The following ANKMY1 variants were observed in gnomAD, a reference collection of about 807,000 sequenced individuals.
The protein encoded by ANKMY1 is ankyrin repeat and MYND domain-containing protein 1.
Under a neutral mutation model 102.0 loss-of-function variants are expected in ANKMY1, and 98 were observed. The ratio of observed to expected loss-of-function variants is 0.96; its 90% CI spans 0.82 to 1.14. The LOEUF is 1.14. ANKMY1 is among the 50% of genes most tolerant of loss of function. The pLI, the probability that ANKMY1 is intolerant of heterozygous loss-of-function variation, is 0.00. For missense variants in ANKMY1, 1,330 were observed against 1,347.6 expected (o/e 0.99, Z 0.20); for synonymous variants, 582 against 559.9 (o/e 1.04, Z -0.56).
In ANKMY1 at chr2:240,479,653, T is replaced by C. The variant is rs2075110545; in HGVS notation, c.3049A>G (p.Thr1017Ala). The change falls in exon 18 of 18, where the codon ACA becomes GCA. Residue 1017 changes from threonine to alanine, a missense_variant and splice_region_variant. Physicochemically the swap from Thr to Ala is moderately conservative, Grantham distance 58. Transcript: ENST00000401804. ...KDCGDLVAIV[T>A]QLEQVSRRRE... ...CTCCTGGAAACTTGCTCCAGTTGTG[T>C]CACTGGAGGAGGAAAAGGTGTGGGG... 6.2e-7 allele frequency: 1 copy of C among 1,613,386 alleles called. No homozygotes were observed. The highest frequency in any genetic ancestry group is 2.2e-5 in the East Asian group (1 of 44,864).
chr2:240,469,858 A>G, the ANKMY1 span, among the ~76,000 whole-genome samples: 122 of 152,218 alleles, frequency 8.0e-4, 2 homozygotes, highest in African/African-American at 2.8e-3. Flanking sequence ...TGCCCTGTGC[A>G]TACACACACA....
In ANKMY1 at chr2:240,524,689, G is replaced by A. The variant is rs143541947; in HGVS notation, c.1336-308C>T. 1.2e-4 allele frequency among the ~76,000 whole-genome samples: 18 copies of A among 152,362 alleles called. 1 individual carries two copies. In the East Asian group the frequency reaches 2.9e-3, roughly 24 times the overall value. ...AGAAGTGAAGGAGAGGTTGGAAAAC[G>A]AAGGCAAATGCCTTAATGATGCTGC... is the stretch of plus-strand genomic sequence containing the variant. On this transcript the variant is annotated intron_variant, in intron 7 of 17. Transcript: ENST00000401804.
At chr2:240,528,872 C>G (rs2084540241) in intron 5 of ANKMY1, among the ~76,000 whole-genome samples, 165 bp downstream of exon 5, 1 of 152,186 alleles carries the variant, frequency 6.6e-6, no homozygotes, top group African/African-American at 2.4e-5. Flanking sequence ...CAGGGGCTTT[C>G]CCTCCCTTCA....
At chr2:240,526,072 T>G in intron 6 of ANKMY1, 157 bp downstream of exon 6, 1 of 1,012,630 alleles carries the variant, frequency 9.9e-7, no homozygotes, top group Non-Finnish European at 1.5e-6. Flanking sequence ...CTCAGCTGAG[T>G]GGGTTTCTGC....
chr2:240,493,783 C>G (rs1055781150), intron 15 of ANKMY1, among the ~76,000 whole-genome samples: 1 of 152,052 alleles, frequency 6.6e-6, no homozygotes, highest in Non-Finnish European at 1.5e-5. Flanking sequence ...TACACTGGCA[C>G]TTGTGTTGGC....
At chr2:240,514,100 A>ACAG (rs2152251013) in intron 9 of ANKMY1, among the ~76,000 whole-genome samples, 1 of 152,300 alleles carries the variant, frequency 6.6e-6, no homozygotes, top group Admixed American at 6.5e-5. Context: ...CACCCCTAAA[A>ACAG]CAGCAGCAGC....
chr2:240,480,926 G>C lies in ANKMY1; in HGVS notation c.3046+11C>G. 6.2e-7 allele frequency: 1 copy of C among 1,601,920 alleles called. No homozygotes were observed. The highest frequency in any genetic ancestry group is 8.5e-7 in the Non-Finnish European group (1 of 1,170,402). On this transcript the variant is annotated intron_variant, in intron 17 of 17. Transcript: ENST00000401804. ...CGGAACCCTTGCCTCCCAGCCTGAG[G>C]GCCGACCTACCGATGGCCACCAGGT... is the stretch of plus-strand genomic sequence containing the variant.
chr2:240,548,625 A>G (rs1297429684), intron 4 of ANKMY1, among the ~76,000 whole-genome samples: 5 of 151,930 alleles, frequency 3.3e-5, no homozygotes, highest in African/African-American at 4.8e-5. Context: ...CCATTGTCTC[A>G]GCCCAAAATC....
intron 4 of ANKMY1, among the ~76,000 whole-genome samples, chr2:240,547,104 C>G (rs543842419): frequency 6.6e-6 from 1 of 152,046 alleles, no homozygotes; most frequent in Admixed American, 6.6e-5. Context: ...TGACCACATA[C>G]TTGGAAGTAA....
upstream of ANKMY1, chr2:240,558,761 G>A (rs1378608520): frequency 1.3e-5 from 2 of 152,218 alleles, no homozygotes; most frequent in Non-Finnish European, 2.9e-5. Flanking sequence ...TAAGGACTAA[G>A]GCTGGGCCAG....
chr2:240,497,606 CT>C (rs767122483), intron 15 of ANKMY1, among the ~76,000 whole-genome samples: 6 of 152,198 alleles, frequency 3.9e-5, no homozygotes, highest in Non-Finnish European at 8.8e-5. Flanking sequence ...AAGGCTTCTC[CT>C]GTCTCTCTTT....
chr2:240,492,784 G>A (rs889483656), intron 15 of ANKMY1, among the ~76,000 whole-genome samples: 26 of 152,008 alleles, frequency 1.7e-4, no homozygotes, highest in African/African-American at 5.1e-4. Context: ...TCCGCCTCCC[G>A]GGTTCAAGCA....
At chr2:240,482,319 C>T (rs1404666694) in intron 15 of ANKMY1, 58 bp from the exon 16 acceptor site, 1 of 1,492,384 alleles carries the variant, frequency 6.7e-7, no homozygotes, top group Non-Finnish European at 9.2e-7. Flanking sequence ...GCCACCACTG[C>T]AGAAGCCACC....
rs2092449731 is a variant in ANKMY1, at chr2:240,557,248, C to A, written c.88G>T (p.Glu30Ter). The part of the protein sequence containing the change: ...RQRPLEGKGG[E>*]TPAAEEPGSL... ...CCCGGCTCCTCGGCAGCAGGGGTCTCGCCGCCCTTCCCCTCTAGCGGGCGT... is the reference window on the plus strand; with the variant it reads ...CCCGGCTCCTCGGCAGCAGGGGTCTAGCCGCCCTTCCCCTCTAGCGGGCGT... The change falls in exon 2 of 18, where the codon GAG becomes TAG. Residue 30 changes from glutamate (E) to a stop codon, truncating the protein, a stop_gained. Coordinates refer to ENST00000401804, the MANE Select transcript of ANKMY1 (RefSeq NM_001282771.3). LOFTEE classifies it high-confidence loss of function. 3.8e-6 allele frequency: 6 copies of A among 1,594,312 alleles called. No homozygotes were observed. In the African/African-American group the frequency reaches 4.0e-5, roughly 11 times the overall value.
chr2:240,543,343 A>C, intron 4 of ANKMY1, among the ~76,000 whole-genome samples: 1 of 150,076 alleles, frequency 6.7e-6, no homozygotes, highest in African/African-American at 2.4e-5. Context: ...ATAGAGCGAG[A>C]CTCTTTCTCA....
At chr2:240,494,583 G>A (rs541140997) in intron 15 of ANKMY1, among the ~76,000 whole-genome samples, 5 of 152,264 alleles carry the variant, frequency 3.3e-5, no homozygotes, top group Admixed American at 2.0e-4. Context: ...GGGCCACTGG[G>A]TCCCAGGACA....
chr2:240,551,441 A>C (rs2091510427), intron 4 of ANKMY1, among the ~76,000 whole-genome samples: 1 of 152,182 alleles, frequency 6.6e-6, no homozygotes, highest in African/African-American at 2.4e-5. Context: ...TTATTTTCCC[A>C]AGGCTTTAAC....
At chr2:240,527,538 A>T (rs1051159241) in intron 5 of ANKMY1, 5 of 28,974 alleles carry the variant, frequency 1.7e-4, no homozygotes, top group African/African-American at 6.5e-4. Flanking sequence ...CTGATGGATG[A>T]ATGGATGGAA....
At chr2:240,560,535 C>T (rs2092882110), upstream of ANKMY1, 6 of 1,178,492 alleles carry the variant, frequency 5.1e-6, no homozygotes, top group Middle Eastern at 3.1e-4. Flanking sequence ...CCGCGGGGGA[C>T]CCAAGCCCCA....
Sources: allele counts gnomAD v4.1 joint callset (sites outside exome capture counted in the v4.1 genomes callset), GRCh38; gene constraint gnomAD v4.1.1; transcripts MANE v1.5; gene names NCBI Gene and HGNC (gene_info 2026-07-23, HGNC 2026-07-21).